The following CPPED1 variants were observed in gnomAD, a reference collection of about 807,000 sequenced individuals.
CPPED1 encodes the protein serine/threonine-protein phosphatase CPPED1.
CPPED1 carries 28 observed loss-of-function variants against 28.0 expected under a neutral mutation model. The observed-to-expected ratio is 1.00, with a 90% confidence interval of 0.74 to 1.37. CPPED1 has a LOEUF of 1.37. CPPED1 is among the 40% of genes most tolerant of loss of function. The pLI, the probability that CPPED1 is intolerant of heterozygous loss-of-function variation, is 0.00. For synonymous variants in CPPED1, 198 were observed against 180.2 expected, an observed-to-expected ratio of 1.10 and a Z score of -0.79; for missense variants, 504 against 416.5, an observed-to-expected ratio of 1.21 and a Z score of -1.83.
intron 3 of CPPED1, among the ~76,000 whole-genome samples, chr16:12,673,827 G>A (rs186619522): frequency 2.0e-5 from 3 of 152,230 alleles, no homozygotes; most frequent in East Asian, 1.9e-4. Flanking sequence ...TTAGAGGATC[G>A]CTTGGGGCCA....
intron 2 of CPPED1, among the ~76,000 whole-genome samples, chr16:12,722,895 A>T (rs2080149113): frequency 6.6e-6 from 1 of 152,152 alleles, no homozygotes; most frequent in Non-Finnish European, 1.5e-5. Context: ...AAAGATGCTC[A>T]GTAGATGTGT....
chr16:12,677,726 C>T (rs990051021), intron 3 of CPPED1, among the ~76,000 whole-genome samples: 3 of 152,248 alleles, frequency 2.0e-5, no homozygotes, highest in Admixed American at 2.0e-4. Context: ...CTTCCGGCTT[C>T]AGCCTTTCAT....
chr16:12,746,143 G>A (rs1425752162), intron 2 of CPPED1, among the ~76,000 whole-genome samples: 3 of 152,122 alleles, frequency 2.0e-5, no homozygotes, highest in Non-Finnish European at 4.4e-5. Context: ...GGGAGACTGA[G>A]GTGGGCAGAT....
At chr16:12,697,930 A>ATG in intron 3 of CPPED1, among the ~76,000 whole-genome samples, 6 of 152,202 alleles carry the variant, frequency 3.9e-5, no homozygotes, top group Non-Finnish European at 7.4e-5. Context: ...TGGCCAATAC[A>ATG]GTGAAACTAT....
intron 2 of CPPED1, among the ~76,000 whole-genome samples, chr16:12,743,154 T>C (rs77034707): frequency 0.048 from 7,367 of 152,288 alleles, 615 homozygotes; most frequent in African/African-American, 0.17. Flanking sequence ...GGTTCTCAGA[T>C]GCACGCCAAG....
In CPPED1 at chr16:12,682,317, C is replaced by T. The variant is rs561401030; in HGVS notation, c.716-17202G>A. The stretch of plus-strand genomic sequence containing the variant: ...CCCAAAAGTGCTGAGATTACAGACA[C>T]GAGCCACCGCGCCCAGCCCCTTTAT... On this transcript the variant is annotated intron_variant, in intron 3 of 3. Transcript: ENST00000381774. This position sits in a 1 kb window ranked among gnomAD's most constrained non-coding sequence, Gnocchi z 6.1. Among the ~76,000 whole-genome samples, 14 of 152,212 alleles carry T rather than the reference C, an allele frequency of 9.2e-5. No individual in the cohort carries two copies. Among genetic ancestry groups the T allele is most frequent in the South Asian group, 2.1e-4 (1 of 4,818 alleles).
chr16:12,722,159 T>C (rs1311496180), intron 2 of CPPED1, among the ~76,000 whole-genome samples: 3 of 152,158 alleles, frequency 2.0e-5, no homozygotes, highest in African/African-American at 4.8e-5. Context: ...TTAAATTAAA[T>C]AGCAGGACAA....
chr16:12,800,793 G>C (rs1013664815), intron 1 of CPPED1, among the ~76,000 whole-genome samples: 7 of 152,044 alleles, frequency 4.6e-5, no homozygotes, highest in Admixed American at 1.3e-4. Context: ...CCATGTCCTA[G>C]GACTCTCACA....
Position 12,661,252 on chromosome 16 carries a change from G to A in CPPED1, c.*3634C>T, listed in dbSNP as rs933071021. The A allele has an allele frequency of 3.3e-5, 5 of 152,154 alleles. No individual in the cohort carries two copies. The highest frequency in any genetic ancestry group is 5.9e-5 in the Non-Finnish European group (4 of 68,040). 9.4% of individuals were successfully genotyped at this position (152,154 alleles called of 1,614,324 possible). ...TGTATACACCGTAGTGTCTTTTACA[G>A]GTATATAAGGTCAATGGCCCTAGTC... On this transcript the variant is annotated 3_prime_UTR_variant, in exon 4 of 4. Transcript: ENST00000381774.
At chr16:12,799,324 C>T (rs1235797410) in intron 1 of CPPED1, among the ~76,000 whole-genome samples, 1 of 150,920 alleles carries the variant, frequency 6.6e-6, no homozygotes, top group African/African-American at 2.4e-5. Context: ...TGGCTTACTG[C>T]AACCTCCGCC....
chr16:12,711,114 G>A (rs373929667), intron 2 of CPPED1, among the ~76,000 whole-genome samples: 3 of 152,142 alleles, frequency 2.0e-5, no homozygotes, highest in African/African-American at 4.8e-5. Context: ...ATGGATAAGC[G>A]AACTGTGGTA....
At chr16:12,746,817 T>C (rs1449986337) in intron 2 of CPPED1, among the ~76,000 whole-genome samples, 1 of 152,106 alleles carries the variant, frequency 6.6e-6, no homozygotes, top group Non-Finnish European at 1.5e-5. Context: ...TGGGGTGATA[T>C]CGCTTGCAGG....
intron 2 of CPPED1, among the ~76,000 whole-genome samples, chr16:12,712,253 C>G (rs985707574): frequency 2.0e-5 from 3 of 152,124 alleles, no homozygotes; most frequent in African/African-American, 4.8e-5. Flanking sequence ...GAAACAGAGT[C>G]GATGGGGCTC....
intron 2 of CPPED1, among the ~76,000 whole-genome samples, chr16:12,745,109 G>A (rs7205593): frequency 0.048 from 7,356 of 152,186 alleles, 614 homozygotes; most frequent in African/African-American, 0.17. Flanking sequence ...AAACACTCTC[G>A]GAGTATCAGT....
At chr16:12,743,579 T>C (rs1017664458) in intron 2 of CPPED1, among the ~76,000 whole-genome samples, 6 of 152,188 alleles carry the variant, frequency 3.9e-5, no homozygotes. Context: ...TATAAGTTGA[T>C]AAGGGATTAA....
At chr16:12,667,641 A>C (rs1157421466) in intron 3 of CPPED1, among the ~76,000 whole-genome samples, 1 of 152,164 alleles carries the variant, frequency 6.6e-6, no homozygotes, top group Non-Finnish European at 1.5e-5. Context: ...TCAAAGAGGA[A>C]ATTAGTGAAC....
intron 2 of CPPED1, 59 bp from the exon 3 acceptor site, chr16:12,705,108 AACTT>A: frequency 6.7e-7 from 1 of 1,484,212 alleles, no homozygotes; most frequent in South Asian, 1.3e-5. Flanking sequence ...TGAAATAACT[AACTT>A]AAGTACTTAC....
intron 2 of CPPED1, among the ~76,000 whole-genome samples, chr16:12,710,671 G>A (rs578246467): frequency 1.3e-5 from 2 of 152,244 alleles, no homozygotes; most frequent in South Asian, 4.1e-4. Flanking sequence ...TCAAAAGTTG[G>A]CAAAGGATTG....
intron 2 of CPPED1, among the ~76,000 whole-genome samples, chr16:12,774,500 C>T (rs534823960): frequency 6.6e-6 from 1 of 152,128 alleles, no homozygotes; most frequent in Non-Finnish European, 1.5e-5. Flanking sequence ...AGTCATCTGC[C>T]TTATTAACAA....
Sources: gnomAD v4.1 joint callset for allele counts (sites outside exome capture counted in the v4.1 genomes callset) on GRCh38, gnomAD v4.1.1 for gene constraint, Gnocchi (gnomAD v3.1) non-coding constraint, MANE v1.5 for transcripts, NCBI Gene and HGNC (gene_info 2026-07-23, HGNC 2026-07-21) for gene names.